Variants in ARL15 observed in about 807,000 individuals in gnomAD.
ARL15 encodes ARF like GTPase 15, also known as ADP-ribosylation factor-like protein 15.
A neutral mutation model predicts 25.2 loss-of-function variants in ARL15; 19 were observed. The observed-to-expected ratio is 0.75, with a 90% CI of 0.53 to 1.10. ARL15 has a LOEUF of 1.10. Among genes scored for constraint, ARL15 ranks in the 50% least tolerant of loss-of-function variants. ARL15 has a pLI of 0.00. For synonymous variants in ARL15, 94 were observed against 86.8 expected, an observed-to-expected ratio of 1.08 and a Z score of -0.46; for missense variants, 220 against 246.0, an observed-to-expected ratio of 0.89 and a Z score of 0.71.
At chr5:54,262,392 C>A (rs993491093) in intron 1 of ARL15, among the ~76,000 whole-genome samples, 1 of 152,158 alleles carries the variant, frequency 6.6e-6, no homozygotes, top group Non-Finnish European at 1.5e-5. Context: ...AACAGCAGGG[C>A]CTGAATCAGA....
At position 54,151,796 on chromosome 5, in the gene ARL15, C is replaced by A. The variant is rs544085878; in HGVS notation, c.253+2784G>T. Among the ~76,000 whole-genome samples, 4 of 152,228 alleles carry A rather than the reference C, an allele frequency of 2.6e-5. 1 individual carries two copies. In the South Asian group the frequency reaches 8.3e-4, roughly 32 times the overall value. ...ATTGTTTCCTCACCCCATATCATTT[C>A]TTCTAAATAGATAATGAGCACAGGT... On this transcript the variant is annotated intron_variant, in intron 3 of 4. Coordinates refer to ENST00000504924, the MANE Select transcript of ARL15 (RefSeq NM_019087.3).
At chr5:53,887,458 C>T (rs974150681) in intron 4 of ARL15, 1 of 689,748 alleles carries the variant, frequency 1.4e-6, no homozygotes, top group African/African-American at 1.8e-5. Context: ...AGTCACAAGT[C>T]ACTCTTACTA....
At chr5:54,239,465 C>T (rs1756897275) in intron 1 of ARL15, among the ~76,000 whole-genome samples, 1 of 152,118 alleles carries the variant, frequency 6.6e-6, no homozygotes, top group South Asian at 2.1e-4. Context: ...TTTGGTTTCT[C>T]TGGATTGGCA....
chr5:54,157,690 C>G (rs1450718013), intron 2 of ARL15, among the ~76,000 whole-genome samples: 1 of 152,156 alleles, frequency 6.6e-6, no homozygotes, highest in Non-Finnish European at 1.5e-5. Flanking sequence ...GGATTACAGG[C>G]ACGAGCCTCC....
intron 4 of ARL15, among the ~76,000 whole-genome samples, chr5:54,004,529 G>C (rs1390525687): frequency 2.6e-5 from 4 of 151,572 alleles, no homozygotes; most frequent in African/African-American, 9.7e-5. Context: ...CCATGCTATA[G>C]ATGAGGAAGC....
intron 1 of ARL15, among the ~76,000 whole-genome samples, chr5:54,175,714 G>A (rs1035713625): frequency 2.0e-5 from 3 of 149,378 alleles, no homozygotes; most frequent in Non-Finnish European, 3.0e-5. Context: ...GTGCAGTGGT[G>A]CAATCTCCAC....
chr5:54,227,117 T>G (rs1414623212), intron 1 of ARL15, among the ~76,000 whole-genome samples: 1 of 152,196 alleles, frequency 6.6e-6, no homozygotes, highest in East Asian at 1.9e-4. Flanking sequence ...ATATCTTTAT[T>G]AGTAGCATGA....
chr5:53,930,357 G>A (rs1213261514), intron 4 of ARL15, among the ~76,000 whole-genome samples: 1 of 152,096 alleles, frequency 6.6e-6, no homozygotes, highest in Non-Finnish European at 1.5e-5. Context: ...CACCTGAGAG[G>A]GTATCATCAG....
At chr5:54,206,758 AG>A (rs1325149114) in intron 1 of ARL15, among the ~76,000 whole-genome samples, 1 of 152,232 alleles carries the variant, frequency 6.6e-6, no homozygotes, top group African/African-American at 2.4e-5. Context: ...AGTAGCCGTC[AG>A]GGAAAGAGGA....
At chr5:54,140,828 CA>C in intron 3 of ARL15, among the ~76,000 whole-genome samples, 1 of 152,076 alleles carries the variant, frequency 6.6e-6, no homozygotes, top group South Asian at 2.1e-4. Flanking sequence ...TCTTGAACAA[CA>C]AAAAATGGTA....
chr5:54,231,237 G>A (rs1300820960), intron 1 of ARL15, among the ~76,000 whole-genome samples: 1 of 152,016 alleles, frequency 6.6e-6, no homozygotes, highest in African/African-American at 2.4e-5. Context: ...TAGAAACCTG[G>A]AAGTCCTGAC....
intron 1 of ARL15, among the ~76,000 whole-genome samples, chr5:54,220,658 C>T (rs939480317): frequency 3.9e-5 from 6 of 152,154 alleles, no homozygotes; most frequent in African/African-American, 4.8e-5. Flanking sequence ...CTTCGGACGC[C>T]GCATGCTAGT....
chr5:54,108,482 C>A (rs908331087), intron 4 of ARL15, among the ~76,000 whole-genome samples: 1 of 152,006 alleles, frequency 6.6e-6, no homozygotes, highest in East Asian at 1.9e-4. Flanking sequence ...ATGACACTTT[C>A]CAATGATTAT....
chr5:53,966,834 C>A (rs553398986), intron 4 of ARL15, among the ~76,000 whole-genome samples: 1 of 152,284 alleles, frequency 6.6e-6, no homozygotes, highest in South Asian at 2.1e-4. Context: ...ATATGTGAGA[C>A]AAATTCCACA....
At chr5:54,217,046 T>G (rs1756228014) in intron 1 of ARL15, among the ~76,000 whole-genome samples, 1 of 152,090 alleles carries the variant, frequency 6.6e-6, no homozygotes, top group Admixed American at 6.5e-5. Context: ...TAGATAGAAA[T>G]TAGGTAAAGA....
intron 4 of ARL15, among the ~76,000 whole-genome samples, chr5:53,975,643 C>A (rs1485156395): frequency 6.6e-6 from 1 of 152,168 alleles, no homozygotes; most frequent in East Asian, 1.9e-4. Flanking sequence ...TGGGGCGTGG[C>A]AATGCCAAGG....
chr5:54,219,925 G>C (rs959391499), intron 1 of ARL15, among the ~76,000 whole-genome samples: 4 of 152,078 alleles, frequency 2.6e-5, no homozygotes, highest in African/African-American at 9.7e-5. Flanking sequence ...TTCTTGAAAT[G>C]GATAATCTAG....
chr5:54,132,624 T>C (rs897528042), intron 3 of ARL15, among the ~76,000 whole-genome samples: 1 of 152,126 alleles, frequency 6.6e-6, no homozygotes, highest in Non-Finnish European at 1.5e-5. Context: ...GATAAAAGAA[T>C]GGCTACTCCA....
chr5:54,157,516 A>G (rs545132100), intron 2 of ARL15, among the ~76,000 whole-genome samples: 24 of 152,182 alleles, frequency 1.6e-4, no homozygotes, highest in Admixed American at 1.2e-3. Flanking sequence ...GGTTCACGCC[A>G]TTCTCCTGCC....
Sources: allele counts gnomAD v4.1 joint callset (sites outside exome capture counted in the v4.1 genomes callset), GRCh38; gene constraint gnomAD v4.1.1; transcripts MANE v1.5; gene names NCBI Gene and HGNC (gene_info 2026-07-23, HGNC 2026-07-21).